The following RGS7 variants were observed in gnomAD, a reference collection of about 807,000 sequenced individuals.
RGS7 encodes regulator of G protein signaling 7, also known as regulator of G-protein signaling 7.
Under a neutral mutation model 81.1 loss-of-function variants are expected in RGS7, and 27 were observed. The ratio of observed to expected loss-of-function variants is 0.33; its 90% confidence interval spans 0.25 to 0.46. The LOEUF is 0.46. RGS7 is among the 20% of genes least tolerant of loss of function. The pLI is 1.00. For synonymous variants in RGS7, 208 were observed against 207.7 expected (o/e 1.00, Z -0.01); for missense variants, 396 against 607.4 (o/e 0.65, Z 3.66).
intron 2 of RGS7, among the ~76,000 whole-genome samples, chr1:241,220,999 G>GGAAGGA (rs1558203363): frequency 1.7e-4 from 11 of 64,766 alleles, no homozygotes; most frequent in African/African-American, 5.7e-4. Context: ...GGAAGGAAGA[G>GGAAGGA]AGAGAGAAAG....
intron 4 of RGS7, among the ~76,000 whole-genome samples, chr1:240,974,032 CAGA>C (rs1683690470): frequency 6.6e-6 from 1 of 152,162 alleles, no homozygotes; most frequent in Non-Finnish European, 1.5e-5. Context: ...CTTTCTTCTT[CAGA>C]AGACTTGTGG....
intron 2 of RGS7, among the ~76,000 whole-genome samples, chr1:241,338,475 G>A (rs2082361776): frequency 1.3e-5 from 2 of 152,110 alleles, no homozygotes; most frequent in Admixed American, 1.3e-4. Flanking sequence ...GTCACATGAG[G>A]AACCAATTTC....
chr1:241,346,557 C>T lies in RGS7; in HGVS notation c.78+9142G>A, dbSNP rs189650444. 8.1e-4 allele frequency among the ~76,000 whole-genome samples: 124 copies of T among 152,296 alleles called. 3 individuals are homozygous for T. In the South Asian group the frequency reaches 0.016, roughly 20 times the overall value. The stretch of plus-strand genomic sequence containing the variant: ...TTCATGCATCTATGCAACCAATATT[C>T]GAGGACACCTATTTTGTGCCATTGT... On this transcript the variant is annotated intron_variant, in intron 2 of 18. Transcript: ENST00000440928.
chr1:241,158,104 C>T (rs535813296), intron 2 of RGS7, among the ~76,000 whole-genome samples: 2 of 152,210 alleles, frequency 1.3e-5, no homozygotes, highest in African/African-American at 4.8e-5. Flanking sequence ...CAGGTGTGAG[C>T]CACCACGCCT....
intron 6 of RGS7, among the ~76,000 whole-genome samples, chr1:240,895,760 G>C (rs1282598615): frequency 1.3e-5 from 2 of 152,182 alleles, no homozygotes; most frequent in Non-Finnish European, 2.9e-5. Context: ...ATGTGCATGT[G>C]TCTTTATAGC....
intron 2 of RGS7, among the ~76,000 whole-genome samples, chr1:241,263,535 T>C (rs1056683493): frequency 7.2e-5 from 11 of 152,282 alleles, no homozygotes; most frequent in African/African-American, 2.4e-4. Flanking sequence ...TGGAAACCAG[T>C]ACTTATTGCA....
intron 2 of RGS7, among the ~76,000 whole-genome samples, chr1:241,281,463 A>G (rs1354503691): frequency 6.6e-6 from 1 of 152,202 alleles, no homozygotes; most frequent in Non-Finnish European, 1.5e-5. Flanking sequence ...GGTATTTTTC[A>G]TCATGTTTAG....
intron 6 of RGS7, chr1:240,919,974 G>C (rs1374118626): frequency 7.4e-7 from 1 of 1,356,056 alleles, no homozygotes; most frequent in African/African-American, 1.4e-5. Flanking sequence ...AAACATATTT[G>C]TTGGTGGCAT....
intron 2 of RGS7, among the ~76,000 whole-genome samples, chr1:241,100,016 G>A (rs529019569): frequency 1.7e-3 from 255 of 152,052 alleles, no homozygotes; most frequent in African/African-American, 5.3e-3. Context: ...TTATCTATAA[G>A]CCTAAAATTA....
At chr1:241,047,733 C>CTTTTTTTTTTTTTTTTTT (rs34738551) in intron 3 of RGS7, among the ~76,000 whole-genome samples, 1 of 89,514 alleles carries the variant, frequency 1.1e-5, no homozygotes, top group Non-Finnish European at 2.1e-5. Flanking sequence ...GTTTACAATC[C>CTTTTTTTTTTTTTTTTTT]TTTTTTTTTT....
rs374493831 is a variant in RGS7, at chr1:240,802,887, T to G, written c.1359+17A>C. The G allele has an allele frequency of 1.9e-6, 3 of 1,547,406 alleles. No homozygotes were observed. Among genetic ancestry groups the G allele is most frequent in the Non-Finnish European group, 2.7e-6 (3 of 1,119,836 alleles). ...GAGAACTAGGCCAAGAAAAAACAAC[T>G]CACAAAAAACCAGTACCTTTTTCTT... On this transcript the variant is annotated intron_variant, in intron 16 of 18. Transcript: ENST00000440928.
At chr1:240,814,876 A>G in intron 11 of RGS7, 99 bp from the exon 12 acceptor site, 1 of 777,820 alleles carries the variant, frequency 1.3e-6, no homozygotes, top group East Asian at 2.4e-5. Flanking sequence ...ACAAGAGTAT[A>G]GTCTACGTCA....
chr1:241,293,823 A>T (rs2148463659), intron 2 of RGS7, among the ~76,000 whole-genome samples: 1 of 152,324 alleles, frequency 6.6e-6, no homozygotes, highest in African/African-American at 2.4e-5. Context: ...AGAAATAGGA[A>T]CACGTTTACA....
chr1:241,305,527 T>C (rs1369192603), intron 2 of RGS7: 2 of 147,368 alleles, frequency 1.4e-5, no homozygotes, highest in African/African-American at 5.1e-5. Context: ...ACTCTTCCCA[T>C]CTTTTTTTTT....
intron 2 of RGS7, among the ~76,000 whole-genome samples, chr1:241,190,964 T>C (rs896917364): frequency 6.6e-6 from 1 of 152,080 alleles, no homozygotes; most frequent in Non-Finnish European, 1.5e-5. Flanking sequence ...CTTTATCACG[T>C]TGTGAAAATT....
At chr1:241,024,332 C>T (rs1434422219) in intron 3 of RGS7, among the ~76,000 whole-genome samples, 2 of 152,172 alleles carry the variant, frequency 1.3e-5, no homozygotes, top group Non-Finnish European at 2.9e-5. Flanking sequence ...CCAGGCAATA[C>T]CTCTTAGTAA....
intron 3 of RGS7, among the ~76,000 whole-genome samples, chr1:241,000,704 T>C (rs950311691): frequency 3.9e-5 from 6 of 152,086 alleles, no homozygotes; most frequent in Non-Finnish European, 8.8e-5. Context: ...TGGAGTTTAA[T>C]GGCGCAATCT....
At chr1:241,154,169 G>A (rs1558134926) in intron 2 of RGS7, among the ~76,000 whole-genome samples, 1 of 152,202 alleles carries the variant, frequency 6.6e-6, no homozygotes. Context: ...ATACTGATTA[G>A]TGCCATGAAT....
At chr1:241,253,105 C>T (rs1435014607) in intron 2 of RGS7, among the ~76,000 whole-genome samples, 1 of 152,218 alleles carries the variant, frequency 6.6e-6, no homozygotes, top group East Asian at 1.9e-4. Context: ...GGTTTCTACC[C>T]TATTCTTGAT....
Sources: gnomAD v4.1 joint callset for allele counts (sites outside exome capture counted in the v4.1 genomes callset) on GRCh38, gnomAD v4.1.1 for gene constraint, MANE v1.5 for transcripts, NCBI Gene and HGNC (gene_info 2026-07-23, HGNC 2026-07-21) for gene names.